The following NIPAL2 variants were observed in gnomAD, a reference collection of about 807,000 sequenced individuals.
NIPAL2 encodes NIPA-like protein 2.
NIPAL2 carries 43 observed loss-of-function variants against 48.9 expected under a neutral mutation model. The ratio of observed to expected loss-of-function variants is 0.88; its 90% CI spans 0.69 to 1.13. The LOEUF is 1.13. Ranked by LOEUF, NIPAL2 falls within the 50% of genes most tolerant of loss-of-function variation. NIPAL2 has a pLI of 0.00. For synonymous variants in NIPAL2, 167 were observed against 174.6 expected (o/e 0.96, Z 0.34); for missense variants, 446 against 461.4 (o/e 0.97, Z 0.31).
intron 3 of NIPAL2, among the ~76,000 whole-genome samples, chr8:98,237,244 G>A (rs1329648026): frequency 1.3e-5 from 2 of 151,892 alleles, no homozygotes; most frequent in African/African-American, 4.8e-5. Flanking sequence ...TAGAAATGGG[G>A]TCTCACTATG....
intron 7 of NIPAL2, 120 bp from the exon 8 acceptor site, chr8:98,203,316 G>T: frequency 1.4e-6 from 1 of 732,112 alleles, no homozygotes; most frequent in South Asian, 1.6e-5. Context: ...GAGGTGCAGT[G>T]AAAGGGCATT....
intron 4 of NIPAL2, chr8:98,231,870 A>C (rs1469890399): frequency 6.6e-6 from 1 of 152,186 alleles, no homozygotes; most frequent in Non-Finnish European, 1.5e-5. Context: ...AAACAGAGAA[A>C]AATAAATGAT....
Position 98,246,628 on chromosome 8 carries a change from G to T in NIPAL2, c.376+5835C>A, listed in dbSNP as rs114326881. 4.9e-3 allele frequency among the ~76,000 whole-genome samples: 740 copies of T among 152,226 alleles called. 8 individuals are homozygous for T. Among genetic ancestry groups the T allele is most frequent in the African/African-American group, 0.016 (668 of 41,544 alleles). ...AATGAGTTTATGTGTCTCATACCTGGCATAGTGGATGCTCATTCAATATTA... is the reference window on the plus strand; with the variant it reads ...AATGAGTTTATGTGTCTCATACCTGTCATAGTGGATGCTCATTCAATATTA... On this transcript the variant is annotated intron_variant, in intron 3 of 10. Transcript: ENST00000430223.
At chr8:98,273,889 T>C (rs1480475917) in intron 1 of NIPAL2, among the ~76,000 whole-genome samples, 1 of 152,042 alleles carries the variant, frequency 6.6e-6, no homozygotes, top group African/African-American at 2.4e-5. Flanking sequence ...TACATAGTCA[T>C]TGTCATTTAG....
At chr8:98,281,811 C>A (rs925491521) in intron 1 of NIPAL2, among the ~76,000 whole-genome samples, 1 of 152,168 alleles carries the variant, frequency 6.6e-6, no homozygotes, top group African/African-American at 2.4e-5. Context: ...TTTGCTGTGG[C>A]CGTTGTACCA....
chr8:98,241,613 A>G (rs570870933), intron 3 of NIPAL2, among the ~76,000 whole-genome samples: 1 of 152,334 alleles, frequency 6.6e-6, no homozygotes, highest in Admixed American at 6.5e-5. Flanking sequence ...ATAGTGGAAA[A>G]CTGGAATAAT....
At chr8:98,209,651 T>C (rs924644356) in intron 6 of NIPAL2, among the ~76,000 whole-genome samples, 1 of 151,894 alleles carries the variant, frequency 6.6e-6, no homozygotes, top group Admixed American at 6.6e-5. Flanking sequence ...TCACTGAGTA[T>C]GATTTGCTCT....
intron 3 of NIPAL2, among the ~76,000 whole-genome samples, chr8:98,250,714 G>A (rs771835879): frequency 6.6e-6 from 1 of 152,180 alleles, no homozygotes; most frequent in Non-Finnish European, 1.5e-5. Flanking sequence ...ATCTGTCAAG[G>A]CAGTGGGCTC....
At chr8:98,228,524 A>AT (rs757191363) in intron 4 of NIPAL2, among the ~76,000 whole-genome samples, 2 of 152,166 alleles carry the variant, frequency 1.3e-5, no homozygotes, top group Non-Finnish European at 2.9e-5. Context: ...CAGTTTCCTC[A>AT]TCTCTAGGTA....
intron 10 of NIPAL2, chr8:98,193,318 G>A: frequency 6.4e-7 from 1 of 1,559,338 alleles, no homozygotes; most frequent in South Asian, 1.1e-5. Flanking sequence ...CACCCCACAG[G>A]ATCTACATGC....
intron 9 of NIPAL2, 63 bp from the exon 10 acceptor site, chr8:98,194,885 C>T (rs1586282700): frequency 1.1e-5 from 10 of 942,000 alleles, no homozygotes; most frequent in Non-Finnish European, 1.5e-5. Context: ...TATTAAATAA[C>T]TGAGCTCCAT....
chr8:98,280,761 T>TATATATATAG, intron 1 of NIPAL2, among the ~76,000 whole-genome samples: 304 of 30,026 alleles, frequency 0.01, 5 homozygotes, highest in South Asian at 0.015. Context: ...TATATATATA[T>TATATATATAG]AGAGAGAGAG....
intron 6 of NIPAL2, among the ~76,000 whole-genome samples, chr8:98,205,787 A>T (rs1376344724): frequency 6.6e-6 from 1 of 152,232 alleles, no homozygotes. Flanking sequence ...TACTAAGTCT[A>T]TATGTGAGCC....
intron 4 of NIPAL2, among the ~76,000 whole-genome samples, chr8:98,223,707 C>T (rs2130758755): frequency 1.3e-5 from 2 of 152,244 alleles, no homozygotes; most frequent in South Asian, 2.1e-4. Context: ...TAGACAACAG[C>T]AATTCAGGGT....
intron 8 of NIPAL2, among the ~76,000 whole-genome samples, chr8:98,200,506 C>A (rs2130695451): frequency 1.3e-5 from 2 of 152,234 alleles, no homozygotes; most frequent in South Asian, 4.2e-4. Flanking sequence ...TATATATATA[C>A]CACATTTTGT....
chr8:98,254,372 C>T (rs1246584708), intron 1 of NIPAL2, among the ~76,000 whole-genome samples: 3 of 152,086 alleles, frequency 2.0e-5, no homozygotes, highest in Admixed American at 6.5e-5. Flanking sequence ...CGGGTTTTTC[C>T]AATCAAGATG....
At chr8:98,196,672 G>C (rs1475609763) in intron 8 of NIPAL2, among the ~76,000 whole-genome samples, 1 of 152,204 alleles carries the variant, frequency 6.6e-6, no homozygotes, top group Non-Finnish European at 1.5e-5. Flanking sequence ...AAGTTCCAAA[G>C]CCTTCATAGA....
chr8:98,279,070 A>AT (rs893732576), intron 1 of NIPAL2, among the ~76,000 whole-genome samples: 27 of 152,054 alleles, frequency 1.8e-4, no homozygotes, highest in African/African-American at 4.8e-4. Context: ...CTTATTCTAT[A>AT]TTTTTTCTGA....
chr8:98,226,440 G>A (rs1812176066), intron 4 of NIPAL2, among the ~76,000 whole-genome samples: 1 of 152,092 alleles, frequency 6.6e-6, no homozygotes, highest in Non-Finnish European at 1.5e-5. Context: ...CTACATGAGG[G>A]GGCATTCCAA....
Sources: gnomAD v4.1 joint callset for allele counts (sites outside exome capture counted in the v4.1 genomes callset) on GRCh38, gnomAD v4.1.1 for gene constraint, MANE v1.5 for transcripts, NCBI Gene and HGNC (gene_info 2026-07-23, HGNC 2026-07-21) for gene names.